The following PSMA1 variants were observed in gnomAD, a reference collection of about 807,000 sequenced individuals.
PSMA1 encodes the protein proteasome 20S subunit alpha 1.
A neutral mutation model predicts 38.4 loss-of-function variants in PSMA1; 3 were observed. The ratio of observed to expected loss-of-function variants is 0.08; its 90% CI spans 0.04 to 0.20. PSMA1 has a LOEUF of 0.20. PSMA1 is among the 10% of genes least tolerant of loss of function. PSMA1 has a pLI of 1.00. For missense variants in PSMA1, 227 were observed against 325.3 expected, an observed-to-expected ratio of 0.70 and a Z score of 2.32; for synonymous variants, 101 against 107.1, an observed-to-expected ratio of 0.94 and a Z score of 0.35.
chr11:14,576,885 C>G (rs933933804), intron 2 of PSMA1, among the ~76,000 whole-genome samples: 2 of 152,222 alleles, frequency 1.3e-5, no homozygotes, highest in Non-Finnish European at 2.9e-5. Context: ...TGGCCATTTT[C>G]ATGATATTGA....
intron 2 of PSMA1, among the ~76,000 whole-genome samples, chr11:14,540,754 TA>T (rs1279662191): frequency 6.6e-6 from 1 of 152,200 alleles, no homozygotes; most frequent in Non-Finnish European, 1.5e-5. Context: ...CTGTTCTTTT[TA>T]AAAAAGGTAC....
chr11:14,577,578 A>G (rs987650412), intron 2 of PSMA1, among the ~76,000 whole-genome samples: 4 of 152,188 alleles, frequency 2.6e-5, no homozygotes, highest in African/African-American at 7.2e-5. Flanking sequence ...AAACAACAAT[A>G]AAAGTAATAG....
chr11:14,622,466 A>G (rs1852859331), intron 1 of PSMA1, among the ~76,000 whole-genome samples: 1 of 152,236 alleles, frequency 6.6e-6, no homozygotes, highest in African/African-American at 2.4e-5. Context: ...AGGCACTAGT[A>G]TGCTAAAGGC....
At chr11:14,587,790 T>C (rs1455826819) in intron 2 of PSMA1, among the ~76,000 whole-genome samples, 1 of 152,198 alleles carries the variant, frequency 6.6e-6, no homozygotes, top group Non-Finnish European at 1.5e-5. Context: ...AATGGCATAC[T>C]ATATGAACAG....
chr11:14,550,951 T>G (rs1263675897), intron 2 of PSMA1, among the ~76,000 whole-genome samples: 1 of 152,120 alleles, frequency 6.6e-6, no homozygotes, highest in African/African-American at 2.4e-5. Context: ...AGTGGGGAAA[T>G]GTCATGGACT....
At chr11:14,572,437 G>T (rs1852155682) in intron 2 of PSMA1, among the ~76,000 whole-genome samples, 1 of 152,162 alleles carries the variant, frequency 6.6e-6, no homozygotes, top group South Asian at 2.1e-4. Flanking sequence ...CGAAATGAAG[G>T]CAGAAATAAA....
rs34292683 is a variant in PSMA1 at position 14,616,231 on chromosome 11, G to GTTTT, written c.-165-5084_-165-5081dup. 3.6e-4 allele frequency among the ~76,000 whole-genome samples: 46 copies of GTTTT among 126,664 alleles called. 11 individuals carry two copies. The highest frequency in any genetic ancestry group is 4.9e-4 in the African/African-American group (17 of 34,714). The allele number at this position is 126,664 out of a possible 152,430, so 83.1% of individuals were successfully genotyped here. A position where few individuals can be genotyped will look rare whatever the true frequency, so the allele number is the denominator to read the frequency against. On this transcript the variant is annotated intron_variant, in intron 1 of 10. Transcript: ENST00000418988. ...AGGTGAGAGTTGGAGGATCCCAACA[G>GTTTT]TTTTTTTTTTTTTTTTTTTTGAGAC...
intron 1 of PSMA1, among the ~76,000 whole-genome samples, chr11:14,616,393 G>A (rs543255018): frequency 2.6e-5 from 4 of 151,826 alleles, no homozygotes; most frequent in South Asian, 4.2e-4. Context: ...TACCATGCCC[G>A]GCTAATTTTT....
chr11:14,604,720 C>T (rs1007943362), intron 2 of PSMA1, among the ~76,000 whole-genome samples: 120 of 152,294 alleles, frequency 7.9e-4, no homozygotes, highest in African/African-American at 2.6e-3. Context: ...TTCCCTCCCT[C>T]CTTCCTCTGG....
intron 2 of PSMA1, among the ~76,000 whole-genome samples, chr11:14,602,519 T>C (rs1056653738): frequency 3.9e-5 from 6 of 152,086 alleles, no homozygotes; most frequent in African/African-American, 1.4e-4. Context: ...TATATGTATA[T>C]ATATTATTTT....
intron 1 of PSMA1, among the ~76,000 whole-genome samples, chr11:14,622,870 G>A (rs982804461): frequency 2.6e-5 from 4 of 152,186 alleles, no homozygotes; most frequent in Non-Finnish European, 5.9e-5. Context: ...ATCATTGGGA[G>A]AATAACAACA....
chr11:14,594,296 T>C (rs1852457405), intron 2 of PSMA1, among the ~76,000 whole-genome samples: 1 of 152,244 alleles, frequency 6.6e-6, no homozygotes, highest in African/African-American at 2.4e-5. Context: ...CCTCCATATG[T>C]TCACACAGGT....
intron 1 of PSMA1, among the ~76,000 whole-genome samples, chr11:14,641,690 T>C (rs1360803435): frequency 6.6e-6 from 1 of 152,242 alleles, no homozygotes; most frequent in Non-Finnish European, 1.5e-5. Flanking sequence ...GGATTTTATT[T>C]TTCAGAAAAC....
chr11:14,607,699 A>G (rs1005942187), intron 2 of PSMA1, among the ~76,000 whole-genome samples: 3 of 151,540 alleles, frequency 2.0e-5, no homozygotes, highest in Admixed American at 1.3e-4. Context: ...TCTGTGCAAG[A>G]AGAGAGGGAA....
chr11:14,539,373 G>T (rs947387764), intron 2 of PSMA1, among the ~76,000 whole-genome samples: 5 of 151,914 alleles, frequency 3.3e-5, no homozygotes, highest in Admixed American at 2.0e-4. Context: ...GTTGATTAGA[G>T]ACCTGACAAA....
intron 2 of PSMA1, among the ~76,000 whole-genome samples, chr11:14,574,650 T>C (rs1042363501): frequency 6.6e-6 from 1 of 152,102 alleles, no homozygotes; most frequent in Non-Finnish European, 1.5e-5. Context: ...TGAGATCTGA[T>C]GGTTTTATAA....
chr11:14,520,070 G>A (rs1851502181), intron 1 of PSMA1: 2 of 644,098 alleles, frequency 3.1e-6, no homozygotes, highest in African/African-American at 3.7e-5. Context: ...AGGAAGTGTC[G>A]GAGGCTCCCC....
chr11:14,555,923 C>A (rs928255842), intron 2 of PSMA1, among the ~76,000 whole-genome samples: 4 of 152,170 alleles, frequency 2.6e-5, no homozygotes, highest in African/African-American at 9.7e-5. Flanking sequence ...CTCCCTAGCC[C>A]TCTAACAGAA....
intron 1 of PSMA1, among the ~76,000 whole-genome samples, chr11:14,615,283 C>T (rs1038443674): frequency 4.5e-4 from 68 of 152,194 alleles, no homozygotes; most frequent in African/African-American, 1.6e-3. Flanking sequence ...TTGTTCTTTG[C>T]TGGCCACTTG....
Sources: gnomAD v4.1 joint callset for allele counts (sites outside exome capture counted in the v4.1 genomes callset) on GRCh38, gnomAD v4.1.1 for gene constraint, MANE v1.5 for transcripts, NCBI Gene and HGNC (gene_info 2026-07-23, HGNC 2026-07-21) for gene names.